Variants in MMP16 observed in about 807,000 individuals in gnomAD.
MMP16 encodes the protein matrix metalloproteinase-16.
In MMP16, 12 loss-of-function variants were observed where a neutral mutation model predicts 67.8. The ratio of observed to expected loss-of-function variants is 0.18; its 90% CI spans 0.11 to 0.29. The LOEUF (loss-of-function observed/expected upper bound fraction) is 0.29. Ranked by LOEUF, MMP16 falls within the 10% of genes least tolerant of loss-of-function variation. MMP16 has a pLI of 1.00. For synonymous variants in MMP16, 249 were observed against 255.9 expected, an observed-to-expected ratio of 0.97 and a Z score of 0.26; for missense variants, 475 against 765.7, an observed-to-expected ratio of 0.62 and a Z score of 4.48.
chr8:88,161,753 C>G (rs1808627870), intron 4 of MMP16, among the ~76,000 whole-genome samples: 1 of 152,010 alleles, frequency 6.6e-6, no homozygotes, highest in South Asian at 2.1e-4. Flanking sequence ...TATGTTGTGT[C>G]TTTGTTCTCG....
At chr8:88,081,366 T>C (rs1405081099) in intron 6 of MMP16, among the ~76,000 whole-genome samples, 3 of 152,166 alleles carry the variant, frequency 2.0e-5, no homozygotes, top group Admixed American at 2.0e-4. Flanking sequence ...ACTATCAGAA[T>C]TTCTCAGAAA....
chr8:88,288,656 T>C (rs997525559), intron 1 of MMP16, among the ~76,000 whole-genome samples: 6 of 152,330 alleles, frequency 3.9e-5, no homozygotes, highest in Admixed American at 3.9e-4. Flanking sequence ...AAATTGATGT[T>C]GGTGAGAATG....
chr8:88,071,859 T>C (rs1270648650), intron 7 of MMP16, among the ~76,000 whole-genome samples: 1 of 152,082 alleles, frequency 6.6e-6, no homozygotes, highest in African/African-American at 2.4e-5. Flanking sequence ...GAAAGGTATA[T>C]AATAGAGACC....
intron 6 of MMP16, among the ~76,000 whole-genome samples, chr8:88,111,452 C>A (rs79130511): frequency 6.6e-6 from 1 of 151,468 alleles, no homozygotes; most frequent in Admixed American, 6.6e-5. Flanking sequence ...TGTAGAGCCA[C>A]GAGTGTTTGA....
chr8:88,265,061 C>G (rs997337234), intron 1 of MMP16, among the ~76,000 whole-genome samples: 1 of 152,108 alleles, frequency 6.6e-6, no homozygotes, highest in Non-Finnish European at 1.5e-5. Context: ...CAAATATTTC[C>G]TATTTGATGC....
intron 2 of MMP16, among the ~76,000 whole-genome samples, chr8:88,193,928 G>T (rs1186724300): frequency 6.6e-6 from 1 of 151,486 alleles, no homozygotes; most frequent in African/African-American, 2.4e-5. Context: ...AATACAGATT[G>T]CTCCATTCAT....
intron 1 of MMP16, among the ~76,000 whole-genome samples, chr8:88,219,617 C>T (rs1286598515): frequency 6.6e-6 from 1 of 152,122 alleles, no homozygotes; most frequent in African/African-American, 2.4e-5. Context: ...ATGAGACCAA[C>T]AGCCATTTAA....
chr8:88,141,515 C>T (rs1454636652), intron 4 of MMP16, among the ~76,000 whole-genome samples: 1 of 152,102 alleles, frequency 6.6e-6, no homozygotes, highest in African/African-American at 2.4e-5. Flanking sequence ...TGAATCCCCA[C>T]CTACAACTAT....
chr8:88,148,252 A>T (rs1225805048), intron 4 of MMP16, among the ~76,000 whole-genome samples: 1 of 152,098 alleles, frequency 6.6e-6, no homozygotes, highest in African/African-American at 2.4e-5. Context: ...TCCTGCATTG[A>T]AGTTTTAAAA....
At chr8:88,099,379 A>G (rs944593025) in intron 6 of MMP16, among the ~76,000 whole-genome samples, 1 of 151,876 alleles carries the variant, frequency 6.6e-6, no homozygotes, top group Non-Finnish European at 1.5e-5. Flanking sequence ...AATATAATAT[A>G]TAGTGACTTA....
At chr8:88,103,247 T>G (rs750722921) in intron 6 of MMP16, among the ~76,000 whole-genome samples, 1 of 151,842 alleles carries the variant, frequency 6.6e-6, no homozygotes, top group Non-Finnish European at 1.5e-5. Context: ...GTGCTCCCAC[T>G]GTACTTTGTA....
chr8:88,045,954 A>C (rs1414397346), intron 9 of MMP16, among the ~76,000 whole-genome samples: 1 of 152,160 alleles, frequency 6.6e-6, no homozygotes, highest in East Asian at 1.9e-4. Context: ...CTTTGTTCTG[A>C]AATATTGCAT....
chr8:88,208,384 C>T (rs13265739), intron 1 of MMP16, among the ~76,000 whole-genome samples: 2,096 of 152,326 alleles, frequency 0.014, 15 homozygotes, highest in Admixed American at 0.026. Context: ...TATGCTTTGT[C>T]CCTGAAGTCA....
At chr8:88,279,220 C>CAAAA (rs767410219) in intron 1 of MMP16, among the ~76,000 whole-genome samples, 1 of 94,450 alleles carries the variant, frequency 1.1e-5, no homozygotes, top group Non-Finnish European at 2.2e-5. Context: ...GACTCTGTCT[C>CAAAA]AAAAAAAAAA....
chr8:88,075,917 T>A (rs1215249535), intron 6 of MMP16, among the ~76,000 whole-genome samples: 1 of 131,254 alleles, frequency 7.6e-6, no homozygotes, highest in East Asian at 2.4e-4. Context: ...TTCTAGGATT[T>A]ATCAATTACT....
intron 1 of MMP16, among the ~76,000 whole-genome samples, chr8:88,230,760 G>A (rs779102704): frequency 2.0e-5 from 3 of 151,920 alleles, no homozygotes; most frequent in Non-Finnish European, 4.4e-5. Flanking sequence ...CTTAATATTT[G>A]GATGCATTCT....
At chr8:88,092,478 G>A (rs1450267151) in intron 6 of MMP16, among the ~76,000 whole-genome samples, 3 of 151,748 alleles carry the variant, frequency 2.0e-5, no homozygotes, top group Admixed American at 1.3e-4. Context: ...ATTTGTTAAT[G>A]TCTCAAGTAC....
intron 3 of MMP16, chr8:88,186,269 A>G: frequency 2.3e-6 from 1 of 440,206 alleles, no homozygotes; most frequent in Non-Finnish European, 3.9e-6. Flanking sequence ...ATAGTTTACA[A>G]AAGAGCCCAA....
intron 1 of MMP16, among the ~76,000 whole-genome samples, chr8:88,322,853 C>T (rs1811481935): frequency 6.6e-6 from 1 of 151,888 alleles, no homozygotes; most frequent in African/African-American, 2.4e-5. Flanking sequence ...CCGGCCCAGG[C>T]AACTCTGAAC....
Sources: allele counts gnomAD v4.1 joint callset (sites outside exome capture counted in the v4.1 genomes callset), GRCh38; gene constraint gnomAD v4.1.1; transcripts MANE v1.5; gene names NCBI Gene and HGNC (gene_info 2026-07-23, HGNC 2026-07-21).